HEMK2: variants seen among roughly 807,000 people sequenced by gnomAD.
The protein encoded by HEMK2 is HemK methyltransferase 2, ETF1 glutamine and histone H4 lysine, also known as methyltransferase HEMK2.
At chr21:28,862,414 T>C in the HEMK2 span, among the ~76,000 whole-genome samples, 11 of 119,550 alleles carry the variant, frequency 9.2e-5, no homozygotes, top group Admixed American at 7.7e-4. Flanking sequence ...CCGAGGCGGG[T>C]GGATCATGAG....
chr21:28,666,991 T>G, the HEMK2 span, among the ~76,000 whole-genome samples: 28,071 of 152,110 alleles, frequency 0.18, 2,799 homozygotes, highest in East Asian at 0.38. Context: ...GAATTTGGAA[T>G]CATAAAACTA....
chr21:28,647,508 CAAAAAAAAAAA>C, the HEMK2 span, among the ~76,000 whole-genome samples: 1 of 111,870 alleles, frequency 8.9e-6, no homozygotes, highest in African/African-American at 3.6e-5. Context: ...AACTCCATCT[CAAAAAAAAAAA>C]AAAAAAGAAA....
the HEMK2 span, among the ~76,000 whole-genome samples, chr21:28,831,940 A>G: frequency 2.6e-5 from 4 of 152,226 alleles, no homozygotes; most frequent in African/African-American, 9.6e-5. Flanking sequence ...ATATAGTATA[A>G]CTGTTTACTA....
chr21:28,856,257 T>C, the HEMK2 span, among the ~76,000 whole-genome samples: 10 of 151,812 alleles, frequency 6.6e-5, no homozygotes, highest in South Asian at 2.1e-3. Context: ...TCTACTAAAA[T>C]TACAAAAATT....
chr21:28,776,995 T>C, the HEMK2 span, among the ~76,000 whole-genome samples: 1 of 152,230 alleles, frequency 6.6e-6, no homozygotes, highest in South Asian at 2.1e-4. Flanking sequence ...ACTTTATTCA[T>C]TCTTCAATCC....
the HEMK2 span, among the ~76,000 whole-genome samples, chr21:28,678,315 G>T: frequency 1.8e-4 from 28 of 152,112 alleles, no homozygotes; most frequent in Admixed American, 1.8e-3. Context: ...TCATATGAAC[G>T]AAATGAAACG....
chr21:28,667,076 T>TA, the HEMK2 span, among the ~76,000 whole-genome samples: 1 of 152,150 alleles, frequency 6.6e-6, no homozygotes, highest in Non-Finnish European at 1.5e-5. Flanking sequence ...TAAAGGAAGA[T>TA]AATAATTTTC....
chr21:28,586,047 G>A, the HEMK2 span, among the ~76,000 whole-genome samples: 9 of 152,248 alleles, frequency 5.9e-5, no homozygotes, highest in South Asian at 2.1e-4. Context: ...AATGCTAGGA[G>A]AAAGATAGAT....
At chr21:28,579,894 G>T in the HEMK2 span, among the ~76,000 whole-genome samples, 1 of 152,122 alleles carries the variant, frequency 6.6e-6, no homozygotes, top group Non-Finnish European at 1.5e-5. Context: ...TAATTCCCAA[G>T]TTCTCCTCAT....
the HEMK2 span, among the ~76,000 whole-genome samples, chr21:28,681,384 G>C: frequency 6.6e-6 from 1 of 151,942 alleles, no homozygotes; most frequent in East Asian, 1.9e-4. Context: ...ACAAACCACT[G>C]CTCAATGAAA....
At chr21:28,848,887 G>A in the HEMK2 span, among the ~76,000 whole-genome samples, 321 of 152,248 alleles carry the variant, frequency 2.1e-3, 1 homozygote, top group Non-Finnish European at 1.4e-3. Flanking sequence ...CAGTGTGAGT[G>A]CAAGCACAGA....
chr21:28,786,514 T>C, the HEMK2 span, among the ~76,000 whole-genome samples: 1 of 151,922 alleles, frequency 6.6e-6, no homozygotes, highest in Non-Finnish European at 1.5e-5. Flanking sequence ...CTTCTAAAAA[T>C]ACAAAAATTA....
chr21:28,882,960 A>C, the HEMK2 span: 1 of 1,441,286 alleles, frequency 6.9e-7, no homozygotes, highest in Non-Finnish European at 9.6e-7. Flanking sequence ...TCAGTGGAAG[A>C]TCTAGATGAA....
chr21:28,692,853 T>C, the HEMK2 span, among the ~76,000 whole-genome samples: 1 of 152,158 alleles, frequency 6.6e-6, no homozygotes, highest in African/African-American at 2.4e-5. Context: ...TACAACATGA[T>C]GAACTTTGAA....
chr21:28,721,900 T>TCACACACACACACACACACACACA, the HEMK2 span, among the ~76,000 whole-genome samples: 1 of 127,296 alleles, frequency 7.9e-6, no homozygotes, highest in Non-Finnish European at 1.6e-5. Flanking sequence ...TTCTTAACCA[T>TCACACACACACACACACACACACA]CACACACACA....
the HEMK2 span, among the ~76,000 whole-genome samples, chr21:28,880,597 G>A: frequency 1.3e-5 from 2 of 151,996 alleles, no homozygotes; most frequent in African/African-American, 4.8e-5. Context: ...ACAAAAACTA[G>A]TCGGGCACAG....
At chr21:28,673,989 C>T in the HEMK2 span, among the ~76,000 whole-genome samples, 1 of 152,164 alleles carries the variant, frequency 6.6e-6, no homozygotes, top group African/African-American at 2.4e-5. Context: ...GGGCTGCATT[C>T]CCTGAGGGTT....
At chr21:28,881,625 A>ATTTTTTTTTTTTTTTTTTTTTTTTT in the HEMK2 span, among the ~76,000 whole-genome samples, 1 of 100,798 alleles carries the variant, frequency 9.9e-6, no homozygotes, top group Non-Finnish European at 1.9e-5. Flanking sequence ...GAAGCCATCA[A>ATTTTTTTTTTTTTTTTTTTTTTTTT]TTTTTTTTTT....
chr21:28,774,984 C>T, the HEMK2 span, among the ~76,000 whole-genome samples: 1 of 152,152 alleles, frequency 6.6e-6, no homozygotes, highest in African/African-American at 2.4e-5. Context: ...GAAACTAATA[C>T]ATTCCAGAAA....
Sources: allele counts gnomAD v4.1 joint callset (sites outside exome capture counted in the v4.1 genomes callset), GRCh38; gene constraint gnomAD v4.1.1; transcripts MANE v1.5; gene names NCBI Gene and HGNC (gene_info 2026-07-23, HGNC 2026-07-21).